LRP1B: variants seen among roughly 807,000 people sequenced by gnomAD.
LRP1B encodes the protein low-density lipoprotein receptor-related protein 1B.
LRP1B carries 217 observed loss-of-function variants against 556.6 expected under a neutral mutation model. The ratio of observed to expected loss-of-function variants is 0.39; its 90% CI spans 0.35 to 0.44. LRP1B has a LOEUF of 0.44. Ranked by LOEUF, LRP1B falls within the 20% of genes least tolerant of loss-of-function variation. The pLI, the probability that LRP1B is intolerant of heterozygous loss-of-function variation, is 1.00. For missense variants in LRP1B, 5,053 were observed against 5,620.8 expected, an observed-to-expected ratio of 0.90 and a Z score of 3.23; for synonymous variants, 2,047 against 1,865.8, an observed-to-expected ratio of 1.10 and a Z score of -2.50.
intron 10 of LRP1B, 92 bp downstream of exon 10, chr2:141,055,024 A>G (rs2105455193): frequency 2.1e-6 from 3 of 1,405,962 alleles, no homozygotes; most frequent in Non-Finnish European, 2.9e-6. Flanking sequence ...TTGAAGTCTC[A>G]TGTTATGACT....
chr2:141,184,061 CT>C (rs1174020391), intron 7 of LRP1B, among the ~76,000 whole-genome samples: 2 of 152,016 alleles, frequency 1.3e-5, no homozygotes, highest in African/African-American at 4.8e-5. Context: ...AGCTCCACCC[CT>C]GACCTCAGTT....
At chr2:141,365,819 C>T (rs181257355) in intron 3 of LRP1B, among the ~76,000 whole-genome samples, 2,561 of 151,142 alleles carry the variant, frequency 0.017, 34 homozygotes, top group African/African-American at 0.021. Flanking sequence ...ACTACAGGCA[C>T]CCGCCACTAC....
intron 1 of LRP1B, among the ~76,000 whole-genome samples, chr2:141,845,176 G>C (rs906952403): frequency 6.6e-6 from 1 of 151,526 alleles, no homozygotes; most frequent in African/African-American, 2.4e-5. Flanking sequence ...CAGCTTCAAG[G>C]TTATTTTTTA....
chr2:141,950,602 A>AT (rs1217538564), intron 1 of LRP1B, among the ~76,000 whole-genome samples: 15 of 152,158 alleles, frequency 9.9e-5, no homozygotes, highest in African/African-American at 3.6e-4. Flanking sequence ...TTTGATGAGC[A>AT]TTCATAGCAT....
intron 77 of LRP1B, among the ~76,000 whole-genome samples, chr2:140,348,722 A>G (rs1681809842): frequency 6.6e-6 from 1 of 152,134 alleles, no homozygotes; most frequent in Non-Finnish European, 1.5e-5. Flanking sequence ...ATAAAGTTAA[A>G]GATAAAATAT....
intron 1 of LRP1B, among the ~76,000 whole-genome samples, chr2:142,057,481 T>C (rs896289577): frequency 6.6e-6 from 1 of 152,094 alleles, no homozygotes; most frequent in Non-Finnish European, 1.5e-5. Context: ...CAAAGTCTAG[T>C]GATACAGAAT....
chr2:141,446,575 T>C (rs1167961066), intron 3 of LRP1B, among the ~76,000 whole-genome samples: 1 of 152,192 alleles, frequency 6.6e-6, no homozygotes, highest in African/African-American at 2.4e-5. Flanking sequence ...ATTTAGTGCT[T>C]CCTTCAGGAG....
At chr2:141,328,302 C>A (rs533618874) in intron 3 of LRP1B, among the ~76,000 whole-genome samples, 1 of 152,166 alleles carries the variant, frequency 6.6e-6, no homozygotes, top group African/African-American at 2.4e-5. Context: ...CTTTTATCAT[C>A]TGTAAAATCC....
intron 43 of LRP1B, among the ~76,000 whole-genome samples, chr2:140,579,289 T>G (rs1478643527): frequency 6.6e-6 from 1 of 152,152 alleles, no homozygotes; most frequent in Non-Finnish European, 1.5e-5. Flanking sequence ...TCACATATTA[T>G]CATGTCATAA....
At chr2:141,298,339 C>G (rs1378024998) in intron 3 of LRP1B, among the ~76,000 whole-genome samples, 2 of 152,064 alleles carry the variant, frequency 1.3e-5, no homozygotes, top group Non-Finnish European at 2.9e-5. Flanking sequence ...GGGCTGGCCA[C>G]TCTAGAAAAA....
chr2:141,884,023 C>T (rs1699034481), intron 1 of LRP1B, among the ~76,000 whole-genome samples: 1 of 152,100 alleles, frequency 6.6e-6, no homozygotes, highest in Non-Finnish European at 1.5e-5. Context: ...TATACTTAAA[C>T]ATTTATATTT....
At chr2:141,345,059 G>A (rs960441809) in intron 3 of LRP1B, among the ~76,000 whole-genome samples, 7 of 152,030 alleles carry the variant, frequency 4.6e-5, no homozygotes, top group Admixed American at 2.6e-4. Flanking sequence ...GGAGAAGTAC[G>A]TTACAAAGTT....
chr2:140,277,541 T>TGTGACATTGGAGTCAC (rs551460247), intron 84 of LRP1B, among the ~76,000 whole-genome samples: 1 of 151,878 alleles, frequency 6.6e-6, no homozygotes, highest in African/African-American at 2.4e-5. Context: ...GAGCCAAGAT[T>TGTGACATTGGAGTCAC]GTGACATTGG....
intron 70 of LRP1B, 52 bp downstream of exon 70, chr2:140,371,127 C>T (rs1384015535): frequency 8.2e-7 from 1 of 1,222,720 alleles, no homozygotes; most frequent in South Asian, 1.5e-5. Flanking sequence ...CATTTGTTTG[C>T]CCAAACCTAA....
chr2:141,087,255 G>A (rs527649695), intron 7 of LRP1B, among the ~76,000 whole-genome samples: 7 of 152,116 alleles, frequency 4.6e-5, no homozygotes, highest in Non-Finnish European at 7.4e-5. Context: ...TTTGTGGTCC[G>A]TCTTGTGCTC....
intron 84 of LRP1B, among the ~76,000 whole-genome samples, chr2:140,293,525 C>T (rs1053692508): frequency 3.3e-5 from 5 of 152,104 alleles, no homozygotes; most frequent in Non-Finnish European, 7.4e-5. Flanking sequence ...TTTTACTCAG[C>T]ACAACTAAGA....
chr2:140,368,438 G>C (rs1398242651), intron 71 of LRP1B, among the ~76,000 whole-genome samples: 1 of 151,652 alleles, frequency 6.6e-6, no homozygotes, highest in African/African-American at 2.4e-5. Context: ...ACACATTGTT[G>C]AGCTGATAAT....
chr2:140,569,250 C>T (rs534143558), intron 43 of LRP1B, among the ~76,000 whole-genome samples: 5 of 151,990 alleles, frequency 3.3e-5, no homozygotes, highest in African/African-American at 1.2e-4. Context: ...TTAAATTCCT[C>T]AATTAAAACA....
chr2:140,877,285 G>A (rs1693339764), intron 25 of LRP1B, among the ~76,000 whole-genome samples: 1 of 152,078 alleles, frequency 6.6e-6, no homozygotes, highest in African/African-American at 2.4e-5. Context: ...TCTTTTGTTT[G>A]TTGTTGTTTC....
Sources: gnomAD v4.1 joint callset for allele counts (sites outside exome capture counted in the v4.1 genomes callset) on GRCh38, gnomAD v4.1.1 for gene constraint, MANE v1.5 for transcripts, NCBI Gene and HGNC (gene_info 2026-07-23, HGNC 2026-07-21) for gene names.